KCNN2: variants seen among roughly 807,000 people sequenced by gnomAD.
KCNN2 encodes small conductance calcium-activated potassium channel protein 2.
A neutral mutation model predicts 55.5 loss-of-function variants in KCNN2; 24 were observed. The observed-to-expected ratio is 0.43, with a 90% CI of 0.31 to 0.61. The LOEUF is 0.61. Ranked by LOEUF, KCNN2 falls within the 20% of genes least tolerant of loss-of-function variation. The pLI is 0.08. For missense variants in KCNN2, 754 were observed against 853.6 expected (o/e 0.88, Z 1.45); for synonymous variants, 431 against 336.1 (o/e 1.28, Z -3.09).
At chr5:114,188,595 A>C (rs1167619131) in intron 1 of KCNN2, among the ~76,000 whole-genome samples, 1 of 152,206 alleles carries the variant, frequency 6.6e-6, no homozygotes, top group African/African-American at 2.4e-5. Context: ...ATAAATTGTT[A>C]AGACTAATAA....
chr5:114,380,772 G>T (rs531142284), intron 2 of KCNN2, among the ~76,000 whole-genome samples: 2 of 152,320 alleles, frequency 1.3e-5, no homozygotes, highest in African/African-American at 2.4e-5. Flanking sequence ...GGCAGTTAGG[G>T]TGGGAGAGAG....
At chr5:114,392,970 A>G (rs945255034) in intron 2 of KCNN2, among the ~76,000 whole-genome samples, 28 of 151,764 alleles carry the variant, frequency 1.8e-4, no homozygotes, top group Admixed American at 1.8e-3. Context: ...GTTCCTTGTC[A>G]TGGGTTATGT....
intron 1 of KCNN2, among the ~76,000 whole-genome samples, chr5:114,175,706 A>G (rs184237538): frequency 6.6e-6 from 1 of 152,340 alleles, no homozygotes; most frequent in East Asian, 1.9e-4. Flanking sequence ...AAATTCAGGT[A>G]ATAAATGACC....
intron 3 of KCNN2, among the ~76,000 whole-genome samples, chr5:114,457,683 A>G (rs1760995613): frequency 6.6e-6 from 1 of 152,306 alleles, no homozygotes; most frequent in Admixed American, 6.5e-5. Context: ...GTCTCTGTAC[A>G]GGTCTCTCCT....
intron 3 of KCNN2, among the ~76,000 whole-genome samples, chr5:114,407,757 A>G (rs73782233): frequency 0.028 from 4,333 of 152,258 alleles, 182 homozygotes; most frequent in African/African-American, 0.095. Context: ...CGTCTTGGGA[A>G]TTGAAACACA....
chr5:114,272,880 C>CT (rs972572215), intron 2 of KCNN2, among the ~76,000 whole-genome samples: 5 of 151,830 alleles, frequency 3.3e-5, no homozygotes, highest in Non-Finnish European at 5.9e-5. Context: ...GTCATTTGTT[C>CT]TTTTTTTTAA....
chr5:114,193,475 A>T (rs959945048), intron 1 of KCNN2, among the ~76,000 whole-genome samples: 77 of 152,304 alleles, frequency 5.1e-4, no homozygotes, highest in Non-Finnish European at 9.7e-4. Context: ...TCAGACAGAT[A>T]ATAGTGTTCC....
At chr5:114,480,677 T>C (rs1762185090) in intron 5 of KCNN2, among the ~76,000 whole-genome samples, 1 of 152,202 alleles carries the variant, frequency 6.6e-6, no homozygotes, top group South Asian at 2.1e-4. Flanking sequence ...CATGATCAAG[T>C]TGGCTTCATC....
intron 3 of KCNN2, among the ~76,000 whole-genome samples, chr5:114,434,291 T>G (rs1404469729): frequency 6.6e-6 from 1 of 152,184 alleles, no homozygotes; most frequent in African/African-American, 2.4e-5. Context: ...CATTCTTTAT[T>G]TTTGATAGTG....
At position 114,496,073 on chromosome 5, in the gene KCNN2, T is replaced by C; in HGVS notation, c.2267T>C (p.Met756Thr). The C allele has an allele frequency of 1.2e-6, 2 of 1,614,066 alleles. No individual in the cohort carries two copies. Among genetic ancestry groups the C allele is most frequent in the Non-Finnish European group, 1.7e-6 (2 of 1,179,962 alleles). The change falls in exon 8 of 8, where the codon ATG (methionine) becomes ACG (threonine). Residue 756 changes from methionine to threonine, a missense_variant. Around this residue, in one of 4 missense-constraint regions of KCNN2, gnomAD observed 164 missense variants for 156.6 expected, o/e 1.05. Transcript: ENST00000673685. ...CAGAGAGATTTCATTGAGGCTCAGATGGAGAGCTACGACAAGCACGTCACT... is the reference window on the plus strand; with the variant it reads ...CAGAGAGATTTCATTGAGGCTCAGACGGAGAGCTACGACAAGCACGTCACT... ...QQQRDFIEAQ[M>T]ESYDKHVTYN...
chr5:114,475,875 G>A (rs1441734425), intron 5 of KCNN2, among the ~76,000 whole-genome samples: 1 of 151,992 alleles, frequency 6.6e-6, no homozygotes, highest in African/African-American at 2.4e-5. Flanking sequence ...CAGCTTTTTT[G>A]TTGTAAGTTC....
upstream of KCNN2, chr5:114,361,275 G>A (rs550650396): frequency 6.6e-6 from 1 of 151,536 alleles, no homozygotes; most frequent in African/African-American, 2.4e-5. Context: ...ACCCCCGGCC[G>A]GGGTGCCGAG....
At chr5:114,164,473 C>T (rs1752864714) in intron 1 of KCNN2, among the ~76,000 whole-genome samples, 1 of 151,970 alleles carries the variant, frequency 6.6e-6, no homozygotes, top group African/African-American at 2.4e-5. Context: ...TTTCAATAAT[C>T]AAGAATATTG....
At chr5:114,121,578 C>T (rs532819757) in intron 1 of KCNN2, among the ~76,000 whole-genome samples, 1 of 152,250 alleles carries the variant, frequency 6.6e-6, no homozygotes, top group South Asian at 2.1e-4. Flanking sequence ...TACCCATAAC[C>T]CCCCAGCTGC....
At chr5:114,100,326 G>A (rs182912394) in intron 1 of KCNN2, among the ~76,000 whole-genome samples, 1 of 152,184 alleles carries the variant, frequency 6.6e-6, no homozygotes, top group African/African-American at 2.4e-5. Flanking sequence ...TCCCTTAGTG[G>A]AATATATTTT....
chr5:114,387,427 A>T lies in KCNN2; in HGVS notation c.1219-17011A>T, dbSNP rs114033024. ...TAAACACTGAGCTACAGCTTAGTGC[A>T]TTTTTGCTTAACCTTGACTGTTATC... On this transcript the variant is annotated intron_variant, in intron 2 of 7. Transcript: ENST00000673685. Among the ~76,000 whole-genome samples the T allele has an allele frequency of 4.9e-3, 739 of 152,302 alleles. 8 individuals carry two copies. Among genetic ancestry groups the T allele is most frequent in the African/African-American group, 0.017 (688 of 41,566 alleles).
intron 1 of KCNN2, among the ~76,000 whole-genome samples, chr5:114,212,400 A>G (rs1162763274): frequency 6.6e-6 from 1 of 152,036 alleles, no homozygotes; most frequent in African/African-American, 2.4e-5. Flanking sequence ...GGAAATGTGT[A>G]GTGATGATAG....
chr5:114,473,260 G>A (rs1270214263), intron 5 of KCNN2, 96 bp downstream of exon 5: 2 of 804,068 alleles, frequency 2.5e-6, no homozygotes, highest in South Asian at 3.0e-5. Context: ...AAGCTGAAAT[G>A]ACATGGTTTG....
chr5:114,310,963 G>A (rs1756381248), intron 2 of KCNN2, among the ~76,000 whole-genome samples: 1 of 152,064 alleles, frequency 6.6e-6, no homozygotes, highest in African/African-American at 2.4e-5. Context: ...ATTCATCAAA[G>A]TCTACCCTCT....
Sources: gnomAD v4.1 joint callset for allele counts (sites outside exome capture counted in the v4.1 genomes callset) on GRCh38, gnomAD v4.1.1 for gene constraint, gnomAD v4.1.1 regional missense constraint, MANE v1.5 for transcripts, NCBI Gene and HGNC (gene_info 2026-07-23, HGNC 2026-07-21) for gene names.